Variants in PDE11A observed in about 807,000 individuals in gnomAD.
The protein encoded by PDE11A is phosphodiesterase 11A.
Under a neutral mutation model 100.5 loss-of-function variants are expected in PDE11A, and 100 were observed. That is an observed-to-expected ratio of 1.00 (90% confidence interval 0.85 to 1.18). PDE11A has a LOEUF of 1.18. PDE11A is among the 50% of genes most tolerant of loss of function. The probability of loss-of-function intolerance (pLI) is 0.00; values close to 1 mark genes in which losing one functional copy is unlikely to be tolerated. For synonymous variants in PDE11A, 381 were observed against 420.8 expected (o/e 0.91, Z 1.16); for missense variants, 1,141 against 1,152.6 (o/e 0.99, Z 0.15).
chr2:177,789,348 C>G (rs1200385512), intron 9 of PDE11A, among the ~76,000 whole-genome samples: 1 of 152,038 alleles, frequency 6.6e-6, no homozygotes, highest in African/African-American at 2.4e-5. Flanking sequence ...ATGCTTCATG[C>G]TAAAAACTCT....
chr2:178,046,252 G>A (rs979651911), intron 1 of PDE11A, among the ~76,000 whole-genome samples: 1 of 152,138 alleles, frequency 6.6e-6, no homozygotes, highest in Admixed American at 6.6e-5. Context: ...CTTCACCTGT[G>A]TGTTAATTGA....
chr2:177,828,814 T>G (rs1234831802), intron 6 of PDE11A, among the ~76,000 whole-genome samples: 1 of 151,656 alleles, frequency 6.6e-6, no homozygotes, highest in African/African-American at 2.4e-5. Flanking sequence ...CTGAAAGAAT[T>G]GCAAATTTGG....
At chr2:177,634,582 G>T (rs1402923710) in intron 19 of PDE11A, among the ~76,000 whole-genome samples, 1 of 151,930 alleles carries the variant, frequency 6.6e-6, no homozygotes, top group African/African-American at 2.4e-5. Flanking sequence ...TAGGGACGGG[G>T]TTTCACCGTG....
intron 2 of PDE11A, among the ~76,000 whole-genome samples, chr2:177,933,558 A>G (rs2085235730): frequency 6.6e-6 from 1 of 152,056 alleles, no homozygotes; most frequent in Admixed American, 6.6e-5. Context: ...GCTTGCACCT[A>G]TAGTCTCAGC....
chr2:177,689,819 A>G (rs2081016381), intron 15 of PDE11A, among the ~76,000 whole-genome samples: 1 of 152,206 alleles, frequency 6.6e-6, no homozygotes, highest in Non-Finnish European at 1.5e-5. Context: ...ATGGCAGAAG[A>G]TTAGAGACCA....
intron 6 of PDE11A, among the ~76,000 whole-genome samples, chr2:177,821,966 AG>A (rs141448160): frequency 0.025 from 3,780 of 151,978 alleles, 157 homozygotes; most frequent in African/African-American, 0.085. Flanking sequence ...GGCTCGTAAA[AG>A]TATCTTCTAT....
At chr2:177,871,939 A>G (rs148231861) in intron 5 of PDE11A, among the ~76,000 whole-genome samples, 53 of 152,322 alleles carry the variant, frequency 3.5e-4, no homozygotes, top group African/African-American at 1.2e-3. Flanking sequence ...ATGTTACACT[A>G]CATAGGAGAA....
chr2:177,776,196 C>A (rs996723974), intron 9 of PDE11A, among the ~76,000 whole-genome samples: 1 of 151,972 alleles, frequency 6.6e-6, no homozygotes, highest in African/African-American at 2.4e-5. Context: ...ATAGAGGACA[C>A]CCACAGTTAA....
In PDE11A at chr2:177,628,374, T is replaced by C. The variant is rs929624127; in HGVS notation, c.*1033A>G. 6.6e-6 allele frequency: 1 copy of C among 152,664 alleles called. No homozygotes were observed. The highest frequency in any genetic ancestry group is 1.5e-5 in the Non-Finnish European group (1 of 68,032). The allele number at this position is 152,664 out of a possible 1,614,324, so 9.5% of individuals were successfully genotyped here. On this transcript the variant is annotated 3_prime_UTR_variant, in exon 20 of 20. Coordinates refer to ENST00000286063, the MANE Select transcript of PDE11A (RefSeq NM_016953.4). ...ACTTAATACAGTTTATTCTTACCTA[T>C]TGTAAACCTGGCTTCCTATAGAATA... is the stretch of plus-strand genomic sequence containing the variant.
intron 2 of PDE11A, among the ~76,000 whole-genome samples, chr2:177,979,828 T>A (rs2105802097): frequency 6.7e-6 from 1 of 150,016 alleles, no homozygotes; most frequent in East Asian, 1.9e-4. Context: ...GCCAGGATGG[T>A]CTCGATCTCC....
chr2:178,091,395 T>C (rs895207121), intron 2 of PDE11A, among the ~76,000 whole-genome samples: 1 of 152,188 alleles, frequency 6.6e-6, no homozygotes, highest in African/African-American at 2.4e-5. Context: ...CTAGCTAACA[T>C]ATTATCCCTA....
At chr2:177,679,079 G>A (rs1052920367) in intron 16 of PDE11A, among the ~76,000 whole-genome samples, 4 of 122,492 alleles carry the variant, frequency 3.3e-5, no homozygotes, top group Non-Finnish European at 6.8e-5. Flanking sequence ...CAAGGCTGTA[G>A]AGGGTTTTAA....
intron 5 of PDE11A, among the ~76,000 whole-genome samples, chr2:177,861,722 C>T (rs551433623): frequency 4.6e-5 from 7 of 152,016 alleles, no homozygotes; most frequent in Non-Finnish European, 5.9e-5. Context: ...GGCATGAAGA[C>T]ATACAGATTA....
intron 5 of PDE11A, among the ~76,000 whole-genome samples, chr2:177,873,722 T>G (rs2084183816): frequency 6.6e-6 from 1 of 152,214 alleles, no homozygotes; most frequent in African/African-American, 2.4e-5. Flanking sequence ...TTTCTCTTCC[T>G]ATAATTTTGA....
Position 177,711,864 on chromosome 2 carries a change from T to C in PDE11A, c.2058A>G (p.Gln686=). ...MFAMLTTAGF[Q]DILTEVEILA... is the part of the protein sequence containing the mutation. Reference sequence around the variant, plus strand: ...AAATTTCCACCTCGGTCAGAATGTCTTGAAACCCAGCAGTCTGGGAAGAAG... The same window carrying C: ...AAATTTCCACCTCGGTCAGAATGTCCTGAAACCCAGCAGTCTGGGAAGAAG... The change falls in exon 13 of 20, where the codon CAA becomes CAG. Residue 686 remains glutamine, a synonymous_variant. Coordinates refer to ENST00000286063, the MANE Select transcript of PDE11A (RefSeq NM_016953.4). 6.2e-7 allele frequency: 1 copy of C among 1,606,026 alleles called. No homozygotes were observed. Among genetic ancestry groups the C allele is most frequent in the East Asian group, 2.2e-5 (1 of 44,796 alleles).
chr2:177,899,132 G>T (rs1574262659), intron 3 of PDE11A, among the ~76,000 whole-genome samples: 1 of 152,288 alleles, frequency 6.6e-6, no homozygotes, highest in East Asian at 1.9e-4. Flanking sequence ...TTTTGGCCGG[G>T]CGCAGTGGCT....
At chr2:177,804,157 A>G (rs1170241457) in intron 9 of PDE11A, among the ~76,000 whole-genome samples, 1 of 152,096 alleles carries the variant, frequency 6.6e-6, no homozygotes, top group Admixed American at 6.6e-5. Flanking sequence ...AAAAATCAAC[A>G]AAGTAAACAA....
chr2:177,642,854 G>A (rs1215435639), intron 19 of PDE11A, among the ~76,000 whole-genome samples: 1 of 152,144 alleles, frequency 6.6e-6, no homozygotes, highest in African/African-American at 2.4e-5. Context: ...AAATTATGGG[G>A]GCAGGTCTTT....
At chr2:177,819,235 T>G (rs2083095089) in intron 7 of PDE11A, among the ~76,000 whole-genome samples, 1 of 152,068 alleles carries the variant, frequency 6.6e-6, no homozygotes, top group Admixed American at 6.6e-5. Context: ...ATACCAATAT[T>G]CTTATGCAGA....
Sources: allele counts gnomAD v4.1 joint callset (sites outside exome capture counted in the v4.1 genomes callset), GRCh38; gene constraint gnomAD v4.1.1; transcripts MANE v1.5; gene names NCBI Gene and HGNC (gene_info 2026-07-23, HGNC 2026-07-21).